The following PRKACA variants were observed in gnomAD, a reference collection of about 807,000 sequenced individuals.
PRKACA encodes protein kinase cAMP-activated catalytic subunit alpha.
PRKACA carries 9 observed loss-of-function variants against 45.8 expected under a neutral mutation model. The observed-to-expected ratio is 0.20, with a 90% CI of 0.12 to 0.34. PRKACA has a LOEUF of 0.34. Ranked by LOEUF, PRKACA falls within the 10% of genes least tolerant of loss-of-function variation. The pLI is 1.00. For missense variants in PRKACA, 238 were observed against 458.6 expected (o/e 0.52, Z 4.39); for synonymous variants, 160 against 178.6 (o/e 0.90, Z 0.83).
rs780287910 is a variant in PRKACA at position 14,103,107 on chromosome 19, TTGCAC to T, written c.238-198_238-194del. The stretch of plus-strand genomic sequence containing the variant: ...CAGGGAGGCTAGGGGCTGCTTGTCC[TTGCAC>T]GGCACTAAGTCCAGGGCAAAGAATA... On this transcript the variant is annotated intron_variant, in intron 3 of 9. Transcript: ENST00000308677. 4.6e-5 allele frequency among the ~76,000 whole-genome samples: 7 copies of T among 152,250 alleles called. 1 individual carries two copies. The highest frequency in any genetic ancestry group is 1.9e-4 in the East Asian group (1 of 5,180).
intron 1 of PRKACA, chr19:14,108,404 C>CTGAT (rs34084658): frequency 0.16 from 24,530 of 152,360 alleles, 2,210 homozygotes; most frequent in African/African-American, 0.25. Flanking sequence ...TATCTATTGA[C>CTGAT]TGATTGATTG....
rs1187136591 is a variant in PRKACA, at chr19:14,092,634, A to G, written c.*478T>C. On this transcript the variant is annotated 3_prime_UTR_variant, in exon 10 of 10. Transcript: ENST00000308677. ...ATGTCACTAAAAATCTCTCCTTCCC[A>G]GGCAGGATTACTCCGAAAGGAAGGT... is the stretch of plus-strand genomic sequence containing the variant. 7.6e-6 allele frequency: 3 copies of G among 393,726 alleles called. No individual in the cohort carries two copies. The Admixed American group carries it at 1.3e-4, about 17-fold the overall frequency. The allele number at this position is 393,726 out of a possible 1,614,324, so 24.4% of individuals were successfully genotyped here.
chr19:14,107,067 G>A (rs1327558861), intron 2 of PRKACA, among the ~76,000 whole-genome samples, 179 bp from the exon 3 acceptor site: 3 of 152,212 alleles, frequency 2.0e-5, no homozygotes, highest in Middle Eastern at 3.4e-3. Context: ...TAAGGCGGGT[G>A]GCAGGGGCCA....
At chr19:14,114,100 A>AGGAAGTTGCT (rs1599351714) in intron 1 of PRKACA, 1 of 1,603,042 alleles carries the variant, frequency 6.2e-7, no homozygotes, top group East Asian at 2.2e-5. Context: ...GAGTGTGCCT[A>AGGAAGTTGCT]GGAAGTTGCT....
intron 4 of PRKACA, 50 bp downstream of exon 4, chr19:14,102,766 G>A: frequency 6.7e-7 from 1 of 1,503,282 alleles, no homozygotes; most frequent in African/African-American, 1.4e-5. Flanking sequence ...GGGGCCAGAA[G>A]GCTGGGACCC....
At chr19:14,096,417 G>A (rs1977261783) in intron 8 of PRKACA, 1 of 150,914 alleles carries the variant, frequency 6.6e-6, no homozygotes, top group African/African-American at 2.4e-5. Flanking sequence ...GGAACTCCTG[G>A]CCTCAAGCCT....
chr19:14,109,091 GTAA>G (rs1977696456), intron 1 of PRKACA, among the ~76,000 whole-genome samples: 1 of 149,360 alleles, frequency 6.7e-6, no homozygotes, highest in Admixed American at 6.7e-5. Flanking sequence ...GCTGACGTCT[GTAA>G]TCCCAGCACT....
Position 14,092,133 on chromosome 19 carries a change from G to A in PRKACA, c.*979C>T, listed in dbSNP as rs1977093895. 1 of 152,518 alleles carries A rather than the reference G, an allele frequency of 6.6e-6. No homozygotes were observed. Among genetic ancestry groups the A allele is most frequent in the South Asian group, 2.1e-4 (1 of 4,836 alleles). 9.4% of individuals were successfully genotyped at this position (152,518 alleles called of 1,614,324 possible). On this transcript the variant is annotated 3_prime_UTR_variant, in exon 10 of 10. Transcript: ENST00000308677. Reference sequence around the variant, plus strand: ...TTTGCAGGGATGCCCTCCCCACTCAGCTGAGGGAAGGCTGGACGTTAAAAT... The same window carrying A: ...TTTGCAGGGATGCCCTCCCCACTCAACTGAGGGAAGGCTGGACGTTAAAAT...
In PRKACA at chr19:14,108,091, A is replaced by T. The variant is rs545687014; in HGVS notation, c.47-682T>A. 1.2e-5 allele frequency: 12 copies of T among 985,444 alleles called. 1 individual carries two copies. The African/African-American group carries it at 2.1e-4, about 17-fold the overall frequency. 61.0% of individuals were successfully genotyped at this position (985,444 alleles called of 1,614,324 possible). ...AACCTGCCTTGTATCCATTGTCTCC[A>T]CTTAACAACCCAGGAAACAGGCTTG... On this transcript the variant is annotated intron_variant, in intron 1 of 9. Coordinates refer to ENST00000308677, the MANE Select transcript of PRKACA (RefSeq NM_002730.4).
intron 9 of PRKACA, 33 bp from the exon 10 acceptor site, chr19:14,093,270 G>A: frequency 6.3e-7 from 1 of 1,596,202 alleles, no homozygotes. Flanking sequence ...CCAGACCTCA[G>A]CATTCAACAT....
At chr19:14,116,369 G>C (rs1967105917) in intron 1 of PRKACA, among the ~76,000 whole-genome samples, 1 of 152,176 alleles carries the variant, frequency 6.6e-6, no homozygotes, top group Admixed American at 6.5e-5. Context: ...GTCTCTCTCT[G>C]GCTGAGCCCT....
chr19:14,112,308 C>G (rs1323380710), intron 1 of PRKACA: 2 of 152,558 alleles, frequency 1.3e-5, no homozygotes, highest in African/African-American at 2.4e-5. Flanking sequence ...GCCTTCTGCC[C>G]CCTGGCCAGG....
intron 1 of PRKACA, among the ~76,000 whole-genome samples, chr19:14,109,123 T>C (rs1977697501): frequency 1.3e-5 from 2 of 149,898 alleles, no homozygotes; most frequent in African/African-American, 2.4e-5. Flanking sequence ...CCAAGGTGGG[T>C]GGATCACAAG....
At chr19:14,114,210 GA>G in intron 1 of PRKACA, 4 of 1,591,930 alleles carry the variant, frequency 2.5e-6, no homozygotes, top group Non-Finnish European at 3.4e-6. Flanking sequence ...AGGCTCATGA[GA>G]CCTGCCGTGT....
chr19:14,103,116 A>C (rs1280979223), intron 3 of PRKACA, among the ~76,000 whole-genome samples: 2 of 152,128 alleles, frequency 1.3e-5, no homozygotes, highest in Non-Finnish European at 1.5e-5. Context: ...CTTGCACGGC[A>C]CTAAGTCCAG....
Position 14,092,821 on chromosome 19 carries a change from C to T in PRKACA, c.*291G>A. The T allele has an allele frequency of 2.1e-6, 1 of 468,076 alleles. No individual in the cohort carries two copies. Among genetic ancestry groups the T allele is most frequent in the Non-Finnish European group, 3.7e-6 (1 of 268,984 alleles). 29.0% of individuals were successfully genotyped at this position (468,076 alleles called of 1,614,324 possible). ...CTGGAGTTGAGAAACTCGTTTAAAACAGGCAGAAGTGGGCTGGGAGGGCTG... is the reference window on the plus strand; with the variant it reads ...CTGGAGTTGAGAAACTCGTTTAAAATAGGCAGAAGTGGGCTGGGAGGGCTG... On this transcript the variant is annotated 3_prime_UTR_variant, in exon 10 of 10. Coordinates refer to ENST00000308677, the MANE Select transcript of PRKACA (RefSeq NM_002730.4).
At chr19:14,095,412 G>A (rs1407522170) in intron 8 of PRKACA, among the ~76,000 whole-genome samples, 1 of 148,476 alleles carries the variant, frequency 6.7e-6, no homozygotes, top group African/African-American at 2.5e-5. Context: ...CTCGTGATCC[G>A]CCCGCCTCGG....
rs1199892427 is a variant in PRKACA at position 14,097,412 on chromosome 19, G to A, written c.714C>T (p.Pro238=). 2 of 1,614,024 alleles carry A rather than the reference G, an allele frequency of 1.2e-6. No individual in the cohort carries two copies. The highest frequency in any genetic ancestry group is 1.7e-6 in the Non-Finnish European group (2 of 1,180,040). The part of the protein sequence containing the change: ...LIYEMAAGYP[P]FFADQPIQIY... ...TCTGGATGGGCTGGTCTGCGAAGAA[G>A]GGCGGGTAGCCAGCGGCCATTTCAT... The change falls in exon 8 of 10, where the codon CCC becomes CCT. Residue 238 remains proline (P), a synonymous_variant. Transcript: ENST00000308677. The surrounding 1 kb of genome is among the most constrained non-coding windows in gnomAD (Gnocchi z 5.4).
chr19:14,108,092 C>A, intron 1 of PRKACA: 4 of 985,574 alleles, frequency 4.1e-6, no homozygotes, highest in Non-Finnish European at 4.8e-6. Context: ...ATTGTCTCCA[C>A]TTAACAACCC....
Sources: allele counts gnomAD v4.1 joint callset (sites outside exome capture counted in the v4.1 genomes callset), GRCh38; gene constraint gnomAD v4.1.1; non-coding constraint Gnocchi (gnomAD v3.1); transcripts MANE v1.5; gene names NCBI Gene and HGNC (gene_info 2026-07-23, HGNC 2026-07-21).